The following MTR variants were observed in gnomAD, a reference collection of about 807,000 sequenced individuals.
MTR encodes the protein 5-methyltetrahydrofolate-homocysteine methyltransferase, also known as methionine synthase.
In MTR, 84 loss-of-function variants were observed where a neutral mutation model predicts 154.8. That is an observed-to-expected ratio of 0.54 (90% confidence interval 0.45 to 0.65). The LOEUF (loss-of-function observed/expected upper bound fraction) is 0.65. MTR is among the 30% of genes least tolerant of loss of function. The pLI, the probability that MTR is intolerant of heterozygous loss-of-function variation, is 0.00. For synonymous variants in MTR, 554 were observed against 553.9 expected, an observed-to-expected ratio of 1.00 and a Z score of 0.00; for missense variants, 1,275 against 1,570.2, an observed-to-expected ratio of 0.81 and a Z score of 3.18.
intron 19 of MTR, 122 bp from the exon 20 acceptor site, chr1:236,861,003 T>C (rs1340365582): frequency 2.2e-5 from 18 of 827,422 alleles, no homozygotes; most frequent in Non-Finnish European, 2.4e-5. Flanking sequence ...CCATGCACTC[T>C]GCTTCTGGAA....
Position 236,863,498 on chromosome 1 carries a change from C to T in MTR, c.2349C>T (p.Asp783=), listed in dbSNP as rs150734119. 718 of 1,614,052 alleles carry T rather than the reference C, an allele frequency of 4.4e-4. 4 individuals are homozygous for T. In the African/African-American group the frequency reaches 7.5e-3, roughly 17 times the overall value. ...TCGTGCTGGCCACTGTTAAAGGCGA[C>T]GTGCACGACATAGGCAAGAACATAG... ...GTIVLATVKG[D]VHDIGKNIVG... The change falls in exon 22 of 33, where the codon GAC becomes GAT. Residue 783 remains aspartate, a synonymous_variant. Transcript: ENST00000366577.
At chr1:236,811,164 C>T (rs938074743) in intron 5 of MTR, among the ~76,000 whole-genome samples, 1 of 152,096 alleles carries the variant, frequency 6.6e-6, no homozygotes, top group Non-Finnish European at 1.5e-5. Context: ...AAAGCTTGTA[C>T]AGGGAAACTC....
intron 24 of MTR, among the ~76,000 whole-genome samples, chr1:236,878,146 A>AGT (rs1553325925): frequency 6.6e-6 from 1 of 152,066 alleles, no homozygotes; most frequent in Non-Finnish European, 1.5e-5. Context: ...TTGCTATCTT[A>AGT]GTGCTGTCTT....
At chr1:236,827,663 C>T (rs545142185) in intron 11 of MTR, among the ~76,000 whole-genome samples, 2 of 152,288 alleles carry the variant, frequency 1.3e-5, no homozygotes, top group East Asian at 3.9e-4. Context: ...AGTGTCTTCA[C>T]ATTGCCTGGT....
chr1:236,807,539 C>T (rs1488147463), intron 3 of MTR, among the ~76,000 whole-genome samples: 1 of 152,164 alleles, frequency 6.6e-6, no homozygotes, highest in African/African-American at 2.4e-5. Context: ...ATCCTCACCA[C>T]CATTTATTTT....
At chr1:236,872,256 C>T (rs984763802) in intron 22 of MTR, among the ~76,000 whole-genome samples, 2 of 152,006 alleles carry the variant, frequency 1.3e-5, no homozygotes, top group African/African-American at 2.4e-5. Context: ...GGCACTGTTC[C>T]GTTCTCTGAG....
intron 21 of MTR, 36 bp downstream of exon 21, chr1:236,862,379 G>A (rs970456902): frequency 3.9e-6 from 6 of 1,553,660 alleles, no homozygotes; most frequent in Non-Finnish European, 5.3e-6. Context: ...GGCCTTTAGT[G>A]GGTTGACCTG....
chr1:236,892,545 TC>T (rs1269640007), intron 29 of MTR, among the ~76,000 whole-genome samples: 4 of 152,152 alleles, frequency 2.6e-5, no homozygotes, highest in African/African-American at 9.7e-5. Flanking sequence ...TTCATAATCA[TC>T]CATATTTTTA....
chr1:236,795,293 G>C lies in MTR; in HGVS notation c.-411G>C. On this transcript the variant is annotated 5_prime_UTR_variant, in exon 1 of 33. Transcript: ENST00000366577. ...CCACGCCGAGGATAGATTGAGCGCAGAACTAACCGCGCTCTGAAAGGTTCT... is the reference window on the plus strand; with the variant it reads ...CCACGCCGAGGATAGATTGAGCGCACAACTAACCGCGCTCTGAAAGGTTCT... 8.2e-7 allele frequency: 1 copy of C among 1,214,728 alleles called. No individual in the cohort carries two copies. The highest frequency in any genetic ancestry group is 1.1e-6 in the Non-Finnish European group (1 of 952,180). 75.2% of individuals were successfully genotyped at this position (1,214,728 alleles called of 1,614,324 possible).
At chr1:236,878,186 G>C (rs1665536626) in intron 24 of MTR, among the ~76,000 whole-genome samples, 1 of 151,992 alleles carries the variant, frequency 6.6e-6, no homozygotes, top group African/African-American at 2.4e-5. Context: ...TTTTTATAAA[G>C]TCCGATTTAT....
At chr1:236,850,800 C>G (rs191187251) in intron 16 of MTR, among the ~76,000 whole-genome samples, 1 of 152,124 alleles carries the variant, frequency 6.6e-6, no homozygotes, top group Non-Finnish European at 1.5e-5. Context: ...CCAGTGCGCT[C>G]TAGCCTGGGC....
chr1:236,800,186 T>C (rs1336338154), intron 1 of MTR: 2 of 985,296 alleles, frequency 2.0e-6, no homozygotes, highest in Non-Finnish European at 2.4e-6. Context: ...GTGGAGGAGA[T>C]AGGAAGAAGG....
chr1:236,854,287 C>T (rs7540612), intron 18 of MTR, among the ~76,000 whole-genome samples: 52,792 of 152,040 alleles, frequency 0.35, 9,990 homozygotes, highest in Non-Finnish European at 0.41. Flanking sequence ...TGCCAACGCT[C>T]ACACGACCCT....
chr1:236,896,492 T>C (rs1463698908), intron 31 of MTR, among the ~76,000 whole-genome samples: 2 of 152,228 alleles, frequency 1.3e-5, no homozygotes, highest in Non-Finnish European at 2.9e-5. Flanking sequence ...GTTCATAGAA[T>C]GAGTGGCTTC....
rs1018861554 is a variant in MTR at position 236,898,156 on chromosome 1, G to C, written c.*512G>C. ...AGGTGTAGCTCTGTTCTCTTCGGAA[G>C]ACCTCGTTTTCTAAAGGCTGGACTA... On this transcript the variant is annotated 3_prime_UTR_variant, in exon 33 of 33. Coordinates refer to ENST00000366577, the MANE Select transcript of MTR (RefSeq NM_000254.3). The C allele has an allele frequency of 6.3e-6, 1 of 158,086 alleles. No individual in the cohort carries two copies. Among genetic ancestry groups the C allele is most frequent in the African/African-American group, 2.4e-5 (1 of 41,434 alleles). The allele number at this position is 158,086 out of a possible 1,614,324, so 9.8% of individuals were successfully genotyped here.
chr1:236,880,803 C>A lies in MTR; in HGVS notation c.2643C>A (p.Ile881=). ...KIAPRYSAPV[I]HVLDASKSVV... ...CTCCGAGATACAGTGCACCTGTAAT[C>A]CATGTCCTGGACGCGTCCAAGAGTG... The change falls in exon 25 of 33, where the codon ATC becomes ATA. Residue 881 remains isoleucine (I), a synonymous_variant. Transcript: ENST00000366577. 1 of 1,614,160 alleles carries A rather than the reference C, an allele frequency of 6.2e-7. No individual in the cohort carries two copies. The highest frequency in any genetic ancestry group is 8.5e-7 in the Non-Finnish European group (1 of 1,180,028).
intron 11 of MTR, among the ~76,000 whole-genome samples, chr1:236,828,871 TGGAA>T (rs1384606973): frequency 6.6e-6 from 1 of 151,966 alleles, no homozygotes; most frequent in Admixed American, 6.6e-5. Context: ...GTGGGGAAGA[TGGAA>T]GGAAGTTTGC....
rs1419106711 is a variant in MTR at position 236,825,418 on chromosome 1, AC to A, written c.927+20del. On this transcript the variant is annotated intron_variant, in intron 10 of 32. Transcript: ENST00000366577. Reference sequence around the variant, plus strand: ...CCTAAAGGTCAGGGGTCCCCCTTTCACTGGCTTTTTAAGAGAGACAGAAAGA... The same window carrying A: ...CCTAAAGGTCAGGGGTCCCCCTTTCATGGCTTTTTAAGAGAGACAGAAAGA... The A allele has an allele frequency of 1.9e-6, 3 of 1,596,264 alleles. No individual in the cohort carries two copies. The Admixed American group carries it at 5.0e-5, about 27-fold the overall frequency.
At position 236,899,894 on chromosome 1, in the gene MTR, A is replaced by G. The variant is rs1666845041; in HGVS notation, c.*2250A>G. 6.4e-6 allele frequency: 1 copy of G among 155,514 alleles called. No individual in the cohort carries two copies. The highest frequency in any genetic ancestry group is 2.0e-4 in the South Asian group (1 of 5,082). The allele number at this position is 155,514 out of a possible 1,614,324, so 9.6% of individuals were successfully genotyped here. On this transcript the variant is annotated 3_prime_UTR_variant, in exon 33 of 33. Coordinates refer to ENST00000366577, the MANE Select transcript of MTR (RefSeq NM_000254.3). ...TAGGACCACAATGAGATTCCATTTT[A>G]TATCCATAAGATTTGCAAAGGTTGG... is the stretch of plus-strand genomic sequence containing the variant.
Sources: gnomAD v4.1 joint callset for allele counts (sites outside exome capture counted in the v4.1 genomes callset) on GRCh38, gnomAD v4.1.1 for gene constraint, MANE v1.5 for transcripts, NCBI Gene and HGNC (gene_info 2026-07-23, HGNC 2026-07-21) for gene names.